UGT2A1: variants seen among roughly 807,000 people sequenced by gnomAD.
UGT2A1 encodes the protein UDP-glucuronosyltransferase 2A1.
UGT2A1 carries 61 observed loss-of-function variants against 45.4 expected under a neutral mutation model. That is an observed-to-expected ratio of 1.34 (90% CI 1.09 to 1.66). The LOEUF (loss-of-function observed/expected upper bound fraction) is 1.66, where lower values mean the gene tolerates loss of function less well. Among genes scored for constraint, UGT2A1 ranks in the 40% most tolerant of loss-of-function variants. The pLI is 0.00. For missense variants in UGT2A1, 649 were observed against 574.3 expected, an observed-to-expected ratio of 1.13 and a Z score of -1.33; for synonymous variants, 229 against 196.2, an observed-to-expected ratio of 1.17 and a Z score of -1.40.
At chr4:69,626,215 C>T (rs1275857273) in intron 3 of UGT2A1, among the ~76,000 whole-genome samples, 19 of 150,772 alleles carry the variant, frequency 1.3e-4, no homozygotes, top group African/African-American at 2.4e-5. Flanking sequence ...TTTGTAATTT[C>T]ATCCATTAGA....
At chr4:69,596,239 G>A in intron 4 of UGT2A1, 4 of 1,536,370 alleles carry the variant, frequency 2.6e-6, no homozygotes, top group Non-Finnish European at 2.6e-6. Context: ...AGGATTCCAG[G>A]CTGTACTGAC....
chr4:69,589,611 C>G lies in UGT2A1; in HGVS notation c.1345G>C (p.Asp449His). The G allele has an allele frequency of 6.2e-7, 1 of 1,613,898 alleles. No individual in the cohort carries two copies. Among genetic ancestry groups the G allele is most frequent in the South Asian group, 1.1e-5 (1 of 91,084 alleles). Residue 449 changes from aspartate (D) to histidine (H), a missense_variant, in exon 7 of 7, where the codon GAT becomes CAT. Transcript: ENST00000286604. ...NAMRLSRIHH[D>H]QPVKPLDRAV... ...CGATCCAGGGGCTTTACAGGTTGAT[C>G]ATGGTGAATTCTTGATAACCTCATA...
rs1394322293 is a variant in UGT2A1 at position 69,595,262 on chromosome 4, G to T, written c.997-13C>A. On this transcript the variant is annotated splice_polypyrimidine_tract_variant and intron_variant, in intron 4 of 6. Transcript: ENST00000286604. ...ATCTCCATAAAACCTGTGGAAAATG[G>T]TGCTTTAATTTTGCAAGGAAAAACA... 1 of 1,612,936 alleles carries T rather than the reference G, an allele frequency of 6.2e-7. No homozygotes were observed. Among genetic ancestry groups the T allele is most frequent in the East Asian group, 2.2e-5 (1 of 44,772 alleles).
At chr4:69,626,312 A>G (rs1265149357) in intron 3 of UGT2A1, among the ~76,000 whole-genome samples, 2 of 151,422 alleles carry the variant, frequency 1.3e-5, no homozygotes, top group Non-Finnish European at 3.0e-5. Context: ...ACACATCTAA[A>G]GACTCTATTT....
chr4:69,594,344 A>G, intron 6 of UGT2A1, 133 bp downstream of exon 6: 2 of 1,228,200 alleles, frequency 1.6e-6, no homozygotes, highest in Non-Finnish European at 2.2e-6. Flanking sequence ...TGGCAAATAA[A>G]ATAGTTTTTA....
At chr4:69,608,121 G>A (rs555575843) in intron 3 of UGT2A1, among the ~76,000 whole-genome samples, 5 of 152,194 alleles carry the variant, frequency 3.3e-5, no homozygotes, top group East Asian at 1.9e-4. Flanking sequence ...CCATGCACAC[G>A]TATGTTTATT....
chr4:69,644,447 G>A lies in UGT2A1; in HGVS notation c.715+2483C>T, dbSNP rs1047515655. Among the ~76,000 whole-genome samples the A allele has an allele frequency of 1.3e-4, 19 of 151,750 alleles. No individual in the cohort carries two copies. The South Asian group carries it at 2.9e-3, about 23-fold the overall frequency. On this transcript the variant is annotated intron_variant, in intron 2 of 6. Coordinates refer to ENST00000286604, the MANE Select transcript of UGT2A1 (RefSeq NM_001252275.3). ...ATGTACATTCCGCTCTTATATGAAC[G>A]GAGATGCTGCACATATTCAGAGTCC...
Position 69,602,753 on chromosome 4 carries a change from G to T in UGT2A1, c.848-3359C>A, listed in dbSNP as rs1034885691. ...TTGTATTAAAACCCACAATAGAAAA[G>T]TAAATAGAGCTAACTTGTTCACAGA... On this transcript the variant is annotated intron_variant, in intron 3 of 6. Coordinates refer to ENST00000286604, the MANE Select transcript of UGT2A1 (RefSeq NM_001252275.3). 1.7e-4 allele frequency among the ~76,000 whole-genome samples: 23 copies of T among 137,096 alleles called. 5 individuals are homozygous for T. Among genetic ancestry groups the T allele is most frequent in the African/African-American group, 6.8e-4 (23 of 33,932 alleles). 89.9% of individuals were successfully genotyped at this position (137,096 alleles called of 152,430 possible).
At chr4:69,596,950 C>T (rs562462784) in intron 4 of UGT2A1, among the ~76,000 whole-genome samples, 2 of 152,302 alleles carry the variant, frequency 1.3e-5, no homozygotes, top group East Asian at 1.9e-4. Flanking sequence ...GACAACTCTT[C>T]TCATGCTAAC....
At position 69,613,505 on chromosome 4, in the gene UGT2A1, G is replaced by C. The variant is rs537520284; in HGVS notation, c.848-14111C>G. ...CTATGTTTGGAATACCAAAACCAAA[G>C]ACACAACAACAGTAACAACAACAAC... is the stretch of plus-strand genomic sequence containing the variant. On this transcript the variant is annotated intron_variant, in intron 3 of 6. Transcript: ENST00000286604. Among the ~76,000 whole-genome samples the C allele has an allele frequency of 3.0e-4, 44 of 144,918 alleles. 1 individual carries two copies. The South Asian group carries it at 9.7e-3, about 32-fold the overall frequency.
intron 2 of UGT2A1, among the ~76,000 whole-genome samples, chr4:69,645,522 T>C (rs997176636): frequency 2.6e-5 from 4 of 151,748 alleles, no homozygotes; most frequent in Middle Eastern, 6.4e-3. Context: ...ATTGTGTTGC[T>C]AGGTAGTCTC....
chr4:69,639,777 T>C, intron 2 of UGT2A1: 2 of 850,498 alleles, frequency 2.4e-6, no homozygotes, highest in South Asian at 6.3e-5. Context: ...GTAAATAATA[T>C]AATTCAAATT....
chr4:69,617,482 C>T (rs1012019717), intron 3 of UGT2A1, among the ~76,000 whole-genome samples: 20 of 151,836 alleles, frequency 1.3e-4, no homozygotes, highest in Middle Eastern at 3.4e-3. Flanking sequence ...TATACGTAGA[C>T]GTACAAAACC....
intron 3 of UGT2A1, among the ~76,000 whole-genome samples, chr4:69,634,926 T>G (rs185982318): frequency 6.6e-6 from 1 of 152,218 alleles, no homozygotes; most frequent in East Asian, 1.9e-4. Context: ...GTTAAGAGAT[T>G]TGTTTTCTTC....
intron 2 of UGT2A1, among the ~76,000 whole-genome samples, chr4:69,641,110 A>G (rs988671): frequency 0.24 from 36,537 of 151,826 alleles, 4,637 homozygotes; most frequent in African/African-American, 0.27. Flanking sequence ...GCAATAGCAC[A>G]TAAAAGCTTA....
At chr4:69,614,111 A>AAC (rs201086191) in intron 3 of UGT2A1, among the ~76,000 whole-genome samples, 38,021 of 151,772 alleles carry the variant, frequency 0.25, 5,135 homozygotes, top group African/African-American at 0.35. Context: ...TTTTAAGCTG[A>AAC]TAAACCCATT....
chr4:69,606,587 A>G (rs1440414859), intron 3 of UGT2A1, among the ~76,000 whole-genome samples: 1 of 136,370 alleles, frequency 7.3e-6, no homozygotes, highest in Non-Finnish European at 1.6e-5. Context: ...ATCAGGCAGG[A>G]GAAGGAAATA....
At chr4:69,627,231 T>G (rs1033731729) in intron 3 of UGT2A1, among the ~76,000 whole-genome samples, 1 of 151,816 alleles carries the variant, frequency 6.6e-6, no homozygotes, top group South Asian at 2.1e-4. Context: ...TAAGTCTTAA[T>G]AAATATGTGA....
chr4:69,589,773 T>C, intron 6 of UGT2A1, 122 bp from the exon 7 acceptor site: 3 of 1,369,838 alleles, frequency 2.2e-6, no homozygotes, highest in Non-Finnish European at 2.9e-6. Flanking sequence ...GAAAATATAA[T>C]TCTTGCATGA....
Sources: gnomAD v4.1 joint callset for allele counts (sites outside exome capture counted in the v4.1 genomes callset) on GRCh38, gnomAD v4.1.1 for gene constraint, MANE v1.5 for transcripts, NCBI Gene and HGNC (gene_info 2026-07-23, HGNC 2026-07-21) for gene names.